Variants in TENM2 observed in about 807,000 individuals in gnomAD.
TENM2 encodes the protein teneurin-2.
TENM2 carries 52 observed loss-of-function variants against 245.2 expected under a neutral mutation model. The observed-to-expected ratio is 0.21, with a 90% CI of 0.17 to 0.27. TENM2 has a LOEUF of 0.27. Among genes scored for constraint, TENM2 ranks in the 10% least tolerant of loss-of-function variants. The pLI is 1.00. For missense variants in TENM2, 3,046 were observed against 3,666.8 expected, an observed-to-expected ratio of 0.83 and a Z score of 4.37; for synonymous variants, 1,363 against 1,438.9, an observed-to-expected ratio of 0.95 and a Z score of 1.19.
intron 2 of TENM2, among the ~76,000 whole-genome samples, chr5:167,475,225 T>C (rs1213950799): frequency 1.3e-5 from 2 of 152,174 alleles, no homozygotes; most frequent in African/African-American, 4.8e-5. Flanking sequence ...AAGAATTAAA[T>C]ACGTTGAAGA....
chr5:167,752,261 A>ATTTTTTTTTT (rs575290973), intron 2 of TENM2, among the ~76,000 whole-genome samples: 10 of 123,354 alleles, frequency 8.1e-5, no homozygotes, highest in African/African-American at 1.3e-4. Flanking sequence ...TGCCCAGCTA[A>ATTTTTTTTTT]TTTTTTTTTT....
intron 2 of TENM2, among the ~76,000 whole-genome samples, chr5:167,519,805 A>G (rs916033682): frequency 1.5e-4 from 23 of 152,278 alleles, no homozygotes; most frequent in Admixed American, 1.1e-3. Flanking sequence ...TTTTTTAAAC[A>G]CACACAAACA....
chr5:167,964,910 A>C (rs1781277794), intron 4 of TENM2, among the ~76,000 whole-genome samples: 1 of 152,202 alleles, frequency 6.6e-6, no homozygotes, highest in East Asian at 1.9e-4. Context: ...TAAGCAGGAG[A>C]GCAAAATAAT....
intron 4 of TENM2, among the ~76,000 whole-genome samples, chr5:167,961,754 G>T (rs1412093037): frequency 6.6e-6 from 1 of 152,204 alleles, no homozygotes; most frequent in African/African-American, 2.4e-5. Context: ...GTAACCTGCA[G>T]GAAGTCTAAA....
At chr5:167,006,658 T>A in the TENM2 span, among the ~76,000 whole-genome samples, 1 of 152,064 alleles carries the variant, frequency 6.6e-6, no homozygotes, top group Non-Finnish European at 1.5e-5. Context: ...TCCATCTTTT[T>A]TTTTTCTTTT....
At chr5:167,735,874 T>C (rs942698827) in intron 2 of TENM2, among the ~76,000 whole-genome samples, 2 of 152,120 alleles carry the variant, frequency 1.3e-5, no homozygotes, top group African/African-American at 4.8e-5. Flanking sequence ...AATCCAGCCA[T>C]GATTCACTGT....
chr5:167,704,521 T>C (rs769105490), intron 2 of TENM2, among the ~76,000 whole-genome samples: 1 of 152,032 alleles, frequency 6.6e-6, no homozygotes, highest in Non-Finnish European at 1.5e-5. Flanking sequence ...TGCATCATCA[T>C]AATTAAGAAG....
chr5:167,161,218 T>G, the TENM2 span, among the ~76,000 whole-genome samples: 1 of 152,184 alleles, frequency 6.6e-6, no homozygotes, highest in African/African-American at 2.4e-5. Flanking sequence ...TCACCAGTGT[T>G]TGGCCATGAT....
intron 2 of TENM2, among the ~76,000 whole-genome samples, chr5:167,438,832 C>T (rs769278084): frequency 8.6e-5 from 13 of 151,194 alleles, no homozygotes; most frequent in Non-Finnish European, 1.8e-4. Flanking sequence ...TCGCTCTTGT[C>T]ACCCAGACTG....
At position 167,944,435 on chromosome 5, in the gene TENM2, C is replaced by CA. The variant is rs113612702; in HGVS notation, c.713-8139dup. On this transcript the variant is annotated intron_variant, in intron 3 of 28. Transcript: ENST00000518659. ...ATATCAGCAGCTGCAGGGTCTCAGC[C>CA]AAAAAAAAAAAAAAGGCCTGCAGGG... is the stretch of plus-strand genomic sequence containing the variant. Among the ~76,000 whole-genome samples the CA allele has an allele frequency of 8.6e-3, 1,104 of 129,004 alleles. 8 individuals are homozygous for CA. Among genetic ancestry groups the CA allele is most frequent in the East Asian group, 0.02 (89 of 4,470 alleles). 84.6% of individuals were successfully genotyped at this position (129,004 alleles called of 152,430 possible).
intron 2 of TENM2, among the ~76,000 whole-genome samples, chr5:167,624,048 G>A (rs911100242): frequency 2.0e-5 from 3 of 152,056 alleles, no homozygotes; most frequent in Non-Finnish European, 4.4e-5. Flanking sequence ...ACTACTATTT[G>A]ACTCACCTGT....
At chr5:167,285,050 G>A in exon 1 of TENM2, 1 of 1,552,058 alleles carries the variant, frequency 6.4e-7, no homozygotes. Context: ...AGTCAGATGA[G>A]TTTCCTAGAC....
intron 2 of TENM2, among the ~76,000 whole-genome samples, chr5:167,620,954 T>C (rs1561609096): frequency 6.6e-6 from 1 of 152,154 alleles, no homozygotes. Flanking sequence ...ATATTTTGCA[T>C]TTATGGCTGC....
At chr5:167,094,262 C>T in the TENM2 span, among the ~76,000 whole-genome samples, 2 of 152,120 alleles carry the variant, frequency 1.3e-5, no homozygotes, top group East Asian at 3.9e-4. Flanking sequence ...TGTATACTCT[C>T]ATGAAACCAT....
At chr5:167,125,257 T>A in the TENM2 span, among the ~76,000 whole-genome samples, 1 of 152,240 alleles carries the variant, frequency 6.6e-6, no homozygotes, top group East Asian at 1.9e-4. Flanking sequence ...TTCAGAACTC[T>A]GCTCACTCTC....
At chr5:167,440,195 T>C (rs1764801707) in intron 2 of TENM2, among the ~76,000 whole-genome samples, 1 of 152,222 alleles carries the variant, frequency 6.6e-6, no homozygotes, top group African/African-American at 2.4e-5. Flanking sequence ...TTAAATAATA[T>C]ATTGAGATCA....
chr5:168,188,506 C>G (rs1364969689), intron 13 of TENM2, among the ~76,000 whole-genome samples: 1 of 152,188 alleles, frequency 6.6e-6, no homozygotes, highest in African/African-American at 2.4e-5. Context: ...CCCTCACAGA[C>G]AGGTGAGGAA....
chr5:167,849,544 CA>C (rs752076754), intron 2 of TENM2, among the ~76,000 whole-genome samples: 48 of 152,226 alleles, frequency 3.2e-4, no homozygotes, highest in Non-Finnish European at 6.0e-4. Context: ...TCAATTCTGA[CA>C]CTATCTACCT....
rs1289537772 is a variant in TENM2 at position 167,959,908 on chromosome 5, TG to T, written c.947+7088del. Among the ~76,000 whole-genome samples the T allele has an allele frequency of 2.0e-5, 3 of 152,336 alleles. 1 individual carries two copies. The highest frequency in any genetic ancestry group is 7.2e-5 in the African/African-American group (3 of 41,582). On this transcript the variant is annotated intron_variant, in intron 4 of 28. Transcript: ENST00000518659. ...TCTGAGTGGACGTCCTTTTTGTTGATGGTGATGCTATTCCTTTCTGTTTGTT... is the reference window on the plus strand; with the variant it reads ...TCTGAGTGGACGTCCTTTTTGTTGATGTGATGCTATTCCTTTCTGTTTGTT...
Sources: gnomAD v4.1 joint callset for allele counts (sites outside exome capture counted in the v4.1 genomes callset) on GRCh38, gnomAD v4.1.1 for gene constraint, MANE v1.5 for transcripts, NCBI Gene and HGNC (gene_info 2026-07-23, HGNC 2026-07-21) for gene names.